The following ELOVL5 variants were observed in gnomAD, a reference collection of about 807,000 sequenced individuals.
ELOVL5 encodes very long chain fatty acid elongase 5.
Under a neutral mutation model 38.6 loss-of-function variants are expected in ELOVL5, and 8 were observed. The ratio of observed to expected loss-of-function variants is 0.21; its 90% confidence interval spans 0.12 to 0.37. ELOVL5 has a LOEUF of 0.37. ELOVL5 is among the 10% of genes least tolerant of loss of function. The pLI is 1.00. For synonymous variants in ELOVL5, 127 were observed against 133.7 expected (o/e 0.95, Z 0.34); for missense variants, 280 against 367.8 (o/e 0.76, Z 1.95).
intron 1 of ELOVL5, among the ~76,000 whole-genome samples, chr6:53,301,055 TCTGTGGG>T (rs1348199670): frequency 6.6e-6 from 1 of 152,148 alleles, no homozygotes; most frequent in East Asian, 1.9e-4. Flanking sequence ...TGCTGAGTGG[TCTGTGGG>T]CTGAGCTATA....
At chr6:53,308,159 T>A (rs1049273860) in intron 1 of ELOVL5, among the ~76,000 whole-genome samples, 1 of 152,138 alleles carries the variant, frequency 6.6e-6, no homozygotes, top group African/African-American at 2.4e-5. Flanking sequence ...GTAACAGAGT[T>A]CTTTAAGATC....
intron 7 of ELOVL5, 107 bp from the exon 8 acceptor site, chr6:53,269,377 CT>C: frequency 1.2e-6 from 1 of 815,788 alleles, no homozygotes; most frequent in Non-Finnish European, 1.8e-6. Context: ...AAGATCAAAT[CT>C]TATCAAGGAG....
intron 1 of ELOVL5, among the ~76,000 whole-genome samples, chr6:53,315,919 T>TA (rs1486791645): frequency 6.6e-6 from 1 of 152,232 alleles, no homozygotes; most frequent in Non-Finnish European, 1.5e-5. Context: ...TAATTTCAGT[T>TA]AGAGTTCTCT....
intron 3 of ELOVL5, chr6:53,287,770 C>T (rs1196238321): frequency 2.3e-5 from 26 of 1,131,442 alleles, no homozygotes; most frequent in South Asian, 6.6e-5. Flanking sequence ...TAAGAAAGGC[C>T]GGAGTGCCTC....
intron 1 of ELOVL5, among the ~76,000 whole-genome samples, chr6:53,303,787 T>G (rs1210918348): frequency 6.6e-6 from 1 of 152,252 alleles, no homozygotes; most frequent in African/African-American, 2.4e-5. Context: ...ACTAGTTAAT[T>G]AAAAAGCACT....
At chr6:53,307,169 A>G (rs1203951771) in intron 1 of ELOVL5, among the ~76,000 whole-genome samples, 2 of 152,202 alleles carry the variant, frequency 1.3e-5, no homozygotes, top group African/African-American at 4.8e-5. Context: ...GAGGAACAGG[A>G]AAGTGACAGA....
Position 53,268,210 on chromosome 6 carries a change from G to A in ELOVL5, c.*917C>T, listed in dbSNP as rs1048706. On this transcript the variant is annotated 3_prime_UTR_variant, in exon 8 of 8. Transcript: ENST00000304434. ...AACCAGTTCCCCATTGCTCATCTAC[G>A]GGACTCTGTCAAACGGTAAATAGGC... 17,926 of 151,996 alleles carry A rather than the reference G, an allele frequency of 0.12. 1,170 individuals carry two copies. The highest frequency in any genetic ancestry group is 0.16 in the African/African-American group (6,455 of 41,446). 9.4% of individuals were successfully genotyped at this position (151,996 alleles called of 1,614,324 possible).
intron 1 of ELOVL5, among the ~76,000 whole-genome samples, chr6:53,347,578 A>T (rs1769610100): frequency 6.6e-6 from 1 of 152,182 alleles, no homozygotes; most frequent in Admixed American, 6.5e-5. Context: ...GCTCTTCCGT[A>T]CAATTCTATG....
intron 1 of ELOVL5, among the ~76,000 whole-genome samples, chr6:53,338,396 G>A (rs1029406275): frequency 6.6e-6 from 1 of 152,192 alleles, no homozygotes; most frequent in African/African-American, 2.4e-5. Context: ...GCAAAAGGAA[G>A]AAAAGGCAGC....
intron 1 of ELOVL5, among the ~76,000 whole-genome samples, chr6:53,313,677 G>C (rs770521211): frequency 1.3e-5 from 2 of 152,148 alleles, no homozygotes; most frequent in Non-Finnish European, 2.9e-5. Flanking sequence ...CTTAGTTTTA[G>C]ACTGTCAGAT....
intron 1 of ELOVL5, among the ~76,000 whole-genome samples, chr6:53,308,846 T>G (rs1171288310): frequency 7.6e-6 from 1 of 131,452 alleles, no homozygotes; most frequent in Admixed American, 8.6e-5. Context: ...AATTCCCTGT[T>G]TCCTCTAATT....
intron 1 of ELOVL5, among the ~76,000 whole-genome samples, chr6:53,306,809 T>C (rs1435399607): frequency 3.9e-5 from 6 of 152,218 alleles, no homozygotes; most frequent in East Asian, 1.9e-4. Context: ...TAACTTTTAA[T>C]TGAGTGAAGC....
At chr6:53,296,524 T>G (rs1022220326) in intron 1 of ELOVL5, among the ~76,000 whole-genome samples, 2 of 152,288 alleles carry the variant, frequency 1.3e-5, no homozygotes, top group Middle Eastern at 3.4e-3. Flanking sequence ...ATAAGTATAA[T>G]GTACTTAGCT....
chr6:53,337,580 C>T (rs1053487894), intron 1 of ELOVL5, among the ~76,000 whole-genome samples: 4 of 152,152 alleles, frequency 2.6e-5, no homozygotes, highest in African/African-American at 9.7e-5. Flanking sequence ...CTTCACACAG[C>T]CATTAGCACA....
intron 2 of ELOVL5, among the ~76,000 whole-genome samples, chr6:53,293,578 A>C (rs1766858970): frequency 6.6e-6 from 1 of 152,128 alleles, no homozygotes; most frequent in African/African-American, 2.4e-5. Flanking sequence ...TTGGCCTCCC[A>C]AAGTACTGGG....
intron 1 of ELOVL5, among the ~76,000 whole-genome samples, chr6:53,317,947 A>G (rs1768127483): frequency 1.3e-5 from 2 of 152,118 alleles, no homozygotes; most frequent in African/African-American, 4.8e-5. Flanking sequence ...AATAATGATA[A>G]TAGCAACTAA....
At chr6:53,348,022 G>C (rs1582011696) in intron 1 of ELOVL5, among the ~76,000 whole-genome samples, 3 of 146,836 alleles carry the variant, frequency 2.0e-5, no homozygotes, top group African/African-American at 5.1e-5. Flanking sequence ...GAGCACAACC[G>C]CCCCCCCGCC....
intron 3 of ELOVL5, among the ~76,000 whole-genome samples, chr6:53,280,715 C>T (rs1250235328): frequency 1.3e-5 from 2 of 152,208 alleles, no homozygotes; most frequent in Non-Finnish European, 2.9e-5. Context: ...ACCTCAGCCT[C>T]CCAAGTAGCT....
intron 1 of ELOVL5, among the ~76,000 whole-genome samples, chr6:53,333,412 G>A (rs1171008353): frequency 6.6e-6 from 1 of 152,234 alleles, no homozygotes; most frequent in Middle Eastern, 3.4e-3. Flanking sequence ...TGAAGAATGG[G>A]GGAAAAAATC....
Sources: gnomAD v4.1 joint callset for allele counts (sites outside exome capture counted in the v4.1 genomes callset) on GRCh38, gnomAD v4.1.1 for gene constraint, MANE v1.5 for transcripts, NCBI Gene and HGNC (gene_info 2026-07-23, HGNC 2026-07-21) for gene names.